XKR9: variants seen among roughly 807,000 people sequenced by gnomAD.
The protein encoded by XKR9 is XK-related protein 9.
XKR9 carries 32 observed loss-of-function variants against 32.0 expected under a neutral mutation model. That is an observed-to-expected ratio of 1.00 (90% CI 0.76 to 1.34). The LOEUF is 1.34. Among genes scored for constraint, XKR9 ranks in the 40% most tolerant of loss-of-function variants. The pLI is 0.00. For synonymous variants in XKR9, 168 were observed against 143.4 expected (o/e 1.17, Z -1.22); for missense variants, 546 against 429.7 (o/e 1.27, Z -2.39).
intron 4 of XKR9, among the ~76,000 whole-genome samples, chr8:70,723,923 T>C (rs1053250522): frequency 6.6e-6 from 1 of 150,870 alleles, no homozygotes. Context: ...TGTCGCTCTG[T>C]GGCCCAGGCG....
the XKR9 span, among the ~76,000 whole-genome samples, chr8:71,014,479 T>C: frequency 1.3e-5 from 2 of 152,148 alleles, no homozygotes; most frequent in Non-Finnish European, 2.9e-5. Context: ...ATGAATCTAA[T>C]TTTTGGCTTT....
downstream of XKR9, among the ~76,000 whole-genome samples, chr8:70,736,931 G>A (rs1359182688): frequency 1.3e-5 from 2 of 152,144 alleles, no homozygotes; most frequent in East Asian, 3.8e-4. Flanking sequence ...TTTTGGCTTA[G>A]GATTGACTCG....
At chr8:70,780,697 T>G (rs1807603171) in intron 2 of XKR9, among the ~76,000 whole-genome samples, 1 of 152,136 alleles carries the variant, frequency 6.6e-6, no homozygotes, top group Non-Finnish European at 1.5e-5. Context: ...TTCTGTTGTT[T>G]AGAGCCATCT....
the XKR9 span, among the ~76,000 whole-genome samples, chr8:71,015,362 C>T: frequency 5.3e-5 from 8 of 152,116 alleles, no homozygotes; most frequent in South Asian, 4.2e-4. Context: ...GTTGCAAGCA[C>T]GCTCTCCCCA....
chr8:70,985,388 A>G, the XKR9 span, among the ~76,000 whole-genome samples: 1 of 152,064 alleles, frequency 6.6e-6, no homozygotes, highest in Non-Finnish European at 1.5e-5. Context: ...TATGTGCCAC[A>G]TTTTCTTTAT....
At chr8:70,922,795 A>C in the XKR9 span, among the ~76,000 whole-genome samples, 1 of 152,202 alleles carries the variant, frequency 6.6e-6, no homozygotes, top group Admixed American at 6.5e-5. Context: ...GTTCTGTGGC[A>C]AGAAAATGGA....
the XKR9 span, among the ~76,000 whole-genome samples, chr8:70,860,966 C>T: frequency 1.2e-4 from 18 of 152,076 alleles, no homozygotes; most frequent in African/African-American, 1.4e-4. Flanking sequence ...GCTATTGTTA[C>T]GCTTATTATT....
chr8:70,936,546 G>A, the XKR9 span, among the ~76,000 whole-genome samples: 1 of 152,030 alleles, frequency 6.6e-6, no homozygotes, highest in African/African-American at 2.4e-5. Flanking sequence ...TGAAAGGGAT[G>A]GACAGTGTAA....
the XKR9 span, among the ~76,000 whole-genome samples, chr8:71,004,034 A>C: frequency 0.01 from 1,578 of 152,308 alleles, 9 homozygotes; most frequent in Non-Finnish European, 0.018. Flanking sequence ...AGATATTGCA[A>C]AAGAAACCAG....
At chr8:70,910,236 G>A in the XKR9 span, among the ~76,000 whole-genome samples, 3 of 152,178 alleles carry the variant, frequency 2.0e-5, no homozygotes, top group South Asian at 2.1e-4. Flanking sequence ...CCAGCTCCAG[G>A]CCTTCTTCTT....
chr8:70,860,387 C>A, the XKR9 span, among the ~76,000 whole-genome samples: 6 of 151,402 alleles, frequency 4.0e-5, no homozygotes, highest in Non-Finnish European at 7.4e-5. Context: ...CTCAGCAAAA[C>A]CTGACCAACT....
the XKR9 span, among the ~76,000 whole-genome samples, chr8:70,872,029 T>C: frequency 5.3e-5 from 8 of 152,224 alleles, no homozygotes; most frequent in African/African-American, 1.9e-4. Context: ...ACTGGAACTT[T>C]CTTGGAACTA....
At chr8:70,894,306 C>T in the XKR9 span, among the ~76,000 whole-genome samples, 1 of 151,858 alleles carries the variant, frequency 6.6e-6, no homozygotes, top group Non-Finnish European at 1.5e-5. Flanking sequence ...GCCCTGGGGG[C>T]AGACAACAAC....
At chr8:70,747,444 G>A (rs1313978327) in intron 2 of XKR9, among the ~76,000 whole-genome samples, 2 of 152,156 alleles carry the variant, frequency 1.3e-5, no homozygotes, top group Admixed American at 1.3e-4. Flanking sequence ...TAATGGGAGT[G>A]GTACTGGTGG....
At chr8:70,778,179 C>G (rs2130246357) in intron 2 of XKR9, among the ~76,000 whole-genome samples, 1 of 152,280 alleles carries the variant, frequency 6.6e-6, no homozygotes, top group East Asian at 1.9e-4. Context: ...TATGGCTACC[C>G]AGTTTTCCAT....
chr8:71,015,461 C>G, the XKR9 span, among the ~76,000 whole-genome samples: 1 of 152,148 alleles, frequency 6.6e-6, no homozygotes, highest in African/African-American at 2.4e-5. Flanking sequence ...AGAGTACATG[C>G]AGTCCTTGGT....
chr8:70,831,547 C>T, the XKR9 span, among the ~76,000 whole-genome samples: 1 of 152,114 alleles, frequency 6.6e-6, no homozygotes, highest in Non-Finnish European at 1.5e-5. Context: ...ATGTTACAAA[C>T]CCTCCTTTTT....
At chr8:70,925,505 A>G in the XKR9 span, among the ~76,000 whole-genome samples, 110 of 152,378 alleles carry the variant, frequency 7.2e-4, 4 homozygotes, top group South Asian at 0.022. Context: ...TTTTGTGACT[A>G]TTAATGTTTA....
intron 2 of XKR9, among the ~76,000 whole-genome samples, chr8:70,762,617 C>T (rs914858191): frequency 1.3e-5 from 2 of 152,290 alleles, no homozygotes; most frequent in Admixed American, 1.3e-4. Context: ...GTCATTCTTT[C>T]TGTTCAGTAA....
Sources: allele counts gnomAD v4.1 joint callset (sites outside exome capture counted in the v4.1 genomes callset), GRCh38; gene constraint gnomAD v4.1.1; transcripts MANE v1.5; gene names NCBI Gene and HGNC (gene_info 2026-07-23, HGNC 2026-07-21).